The following PALM2AKAP2 variants were observed in gnomAD, a reference collection of about 807,000 sequenced individuals.
PALM2AKAP2 encodes the protein PALM2-AKAP2 fusion protein.
In PALM2AKAP2, 37 loss-of-function variants were observed where a neutral mutation model predicts 71.5. The ratio of observed to expected loss-of-function variants is 0.52; its 90% CI spans 0.40 to 0.68. PALM2AKAP2 has a LOEUF of 0.68. PALM2AKAP2 is among the 30% of genes least tolerant of loss of function. PALM2AKAP2 has a pLI of 0.00. For missense variants in PALM2AKAP2, 1,224 were observed against 1,191.8 expected, an observed-to-expected ratio of 1.03 and a Z score of -0.40; for synonymous variants, 468 against 478.8, an observed-to-expected ratio of 0.98 and a Z score of 0.29.
chr9:109,820,884 A>C (rs1343824681), intron 1 of PALM2AKAP2, among the ~76,000 whole-genome samples: 1 of 152,182 alleles, frequency 6.6e-6, no homozygotes, highest in Non-Finnish European at 1.5e-5. Context: ...TGGGGCAGCC[A>C]TGGAAGCCAC....
At chr9:110,100,008 A>ATGTG (rs113608466) in intron 1 of PALM2AKAP2, among the ~76,000 whole-genome samples, 11 of 140,998 alleles carry the variant, frequency 7.8e-5, no homozygotes, top group African/African-American at 1.3e-4. Context: ...GCATATATAT[A>ATGTG]TGTGTGTGTG....
At chr9:109,753,632 A>G (rs1337319816) in intron 1 of PALM2AKAP2, among the ~76,000 whole-genome samples, 1 of 152,192 alleles carries the variant, frequency 6.6e-6, no homozygotes, top group Non-Finnish European at 1.5e-5. Context: ...AGAACTGTTC[A>G]GATTCATTTT....
chr9:110,041,987 C>T (rs79710378), intron 7 of PALM2AKAP2, among the ~76,000 whole-genome samples: 3,984 of 152,294 alleles, frequency 0.026, 161 homozygotes, highest in African/African-American at 0.085. Flanking sequence ...ACCACCTTAT[C>T]TTAGGGAGAG....
At chr9:109,906,992 T>C (rs1830459955) in intron 3 of PALM2AKAP2, among the ~76,000 whole-genome samples, 3 of 152,234 alleles carry the variant, frequency 2.0e-5, no homozygotes, top group African/African-American at 4.8e-5. Flanking sequence ...CACTTGAGCC[T>C]GCCTTGCACA....
At chr9:109,831,434 A>G (rs1414230897) in intron 1 of PALM2AKAP2, among the ~76,000 whole-genome samples, 1 of 143,426 alleles carries the variant, frequency 7.0e-6, no homozygotes, top group Non-Finnish European at 1.6e-5. Flanking sequence ...CAAACACTTG[A>G]CACCCCTAGG....
intron 1 of PALM2AKAP2, among the ~76,000 whole-genome samples, chr9:109,660,300 A>G (rs1827372136): frequency 6.6e-6 from 1 of 152,000 alleles, no homozygotes; most frequent in Admixed American, 6.5e-5. Context: ...GCACCCATCA[A>G]CTCATCATTT....
chr9:109,847,131 G>GT (rs34859961), intron 1 of PALM2AKAP2, among the ~76,000 whole-genome samples: 1,583 of 151,314 alleles, frequency 0.01, 30 homozygotes, highest in African/African-American at 0.037. Context: ...TGGAAGAGGG[G>GT]TTTTTTTTTG....
chr9:109,694,312 A>T (rs1245350760), intron 1 of PALM2AKAP2, among the ~76,000 whole-genome samples: 1 of 152,118 alleles, frequency 6.6e-6, no homozygotes, highest in East Asian at 1.9e-4. Flanking sequence ...TCAGCCATTA[A>T]GAAAAATAAT....
At chr9:110,163,002 G>C (rs1836641575) in intron 3 of PALM2AKAP2, among the ~76,000 whole-genome samples, 1 of 152,100 alleles carries the variant, frequency 6.6e-6, no homozygotes. Flanking sequence ...GTGAGCCACT[G>C]TTCTCGGTCC....
At chr9:109,842,642 C>T (rs1390989439) in intron 1 of PALM2AKAP2, among the ~76,000 whole-genome samples, 2 of 151,188 alleles carry the variant, frequency 1.3e-5, no homozygotes, top group South Asian at 2.1e-4. Flanking sequence ...TTGTTGTCGT[C>T]GTTGTTGAAT....
chr9:110,035,291 C>G (rs1006446129), intron 7 of PALM2AKAP2, among the ~76,000 whole-genome samples: 1 of 109,480 alleles, frequency 9.1e-6, no homozygotes, highest in East Asian at 2.5e-4. Flanking sequence ...ACATATTGTA[C>G]ATATGTATAA....
At chr9:109,985,004 G>A (rs62580187) in intron 6 of PALM2AKAP2, among the ~76,000 whole-genome samples, 7 of 152,014 alleles carry the variant, frequency 4.6e-5, no homozygotes, top group Non-Finnish European at 8.8e-5. Context: ...GTGAAACCCC[G>A]TCTCTACTAA....
At position 109,939,377 on chromosome 9, in the gene PALM2AKAP2, G is replaced by T. The variant is rs561304542; in HGVS notation, c.496+7349G>T. On this transcript the variant is annotated intron_variant, in intron 6 of 9. Transcript: ENST00000302798. ...ATCAGCATTCTCATTGGTGGGAAGAGGGAGAGGGATATCTGTAAACATCCC... is the reference window on the plus strand; with the variant it reads ...ATCAGCATTCTCATTGGTGGGAAGATGGAGAGGGATATCTGTAAACATCCC... Among the ~76,000 whole-genome samples, 4 of 150,316 alleles carry T rather than the reference G, an allele frequency of 2.7e-5. No individual in the cohort carries two copies. The South Asian group carries it at 8.4e-4, about 32-fold the overall frequency.
At chr9:109,742,578 A>C (rs932056047) in intron 1 of PALM2AKAP2, among the ~76,000 whole-genome samples, 15 of 152,188 alleles carry the variant, frequency 9.9e-5, no homozygotes, top group African/African-American at 3.4e-4. Flanking sequence ...TCTGTGTTCT[A>C]TATGGCTCCC....
At chr9:109,811,749 T>A (rs1827732832) in intron 1 of PALM2AKAP2, among the ~76,000 whole-genome samples, 1 of 152,056 alleles carries the variant, frequency 6.6e-6, no homozygotes, top group Non-Finnish European at 1.5e-5. Flanking sequence ...TTAAAAAAAA[T>A]TATTTTAGAG....
chr9:109,821,037 T>C (rs1311101584), intron 1 of PALM2AKAP2, among the ~76,000 whole-genome samples: 1 of 152,180 alleles, frequency 6.6e-6, no homozygotes, highest in Non-Finnish European at 1.5e-5. Flanking sequence ...AATAAGTAGA[T>C]CTATTTTAGT....
chr9:109,959,720 A>G lies in PALM2AKAP2; in HGVS notation c.496+27692A>G, dbSNP rs1052039233. 2.0e-5 allele frequency among the ~76,000 whole-genome samples: 3 copies of G among 152,036 alleles called. No individual in the cohort carries two copies. The East Asian group carries it at 5.8e-4, about 29-fold the overall frequency. On this transcript the variant is annotated intron_variant, in intron 6 of 9. Transcript: ENST00000302798. ...AGAAGTGGTAGATAGAAAGTTAGGC[A>G]TAGAAACTCCAAGTTGAATGGGGTT...
chr9:109,742,210 A>G (rs559492962), intron 1 of PALM2AKAP2, among the ~76,000 whole-genome samples: 104 of 151,712 alleles, frequency 6.9e-4, no homozygotes, highest in African/African-American at 2.4e-3. Flanking sequence ...ATGTACTCAC[A>G]TGTATGTACT....
At chr9:109,877,828 A>C (rs1332543525) in intron 2 of PALM2AKAP2, among the ~76,000 whole-genome samples, 1 of 152,216 alleles carries the variant, frequency 6.6e-6, no homozygotes, top group Non-Finnish European at 1.5e-5. Context: ...GGCCTCTTGC[A>C]GTCTCTACCC....
Sources: gnomAD v4.1 joint callset for allele counts (sites outside exome capture counted in the v4.1 genomes callset) on GRCh38, gnomAD v4.1.1 for gene constraint, MANE v1.5 for transcripts, NCBI Gene and HGNC (gene_info 2026-07-23, HGNC 2026-07-21) for gene names.